Variants in MSH3 observed in about 807,000 individuals in gnomAD.
MSH3 encodes the protein mutS homolog 3, also known as DNA mismatch repair protein Msh3.
MSH3 carries 106 observed loss-of-function variants against 123.3 expected under a neutral mutation model. The observed-to-expected ratio is 0.86, with a 90% CI of 0.73 to 1.01. MSH3 has a LOEUF of 1.01. Ranked by LOEUF, MSH3 falls within the 50% of genes least tolerant of loss-of-function variation. MSH3 has a pLI of 0.00. For synonymous variants in MSH3, 515 were observed against 481.4 expected, an observed-to-expected ratio of 1.07 and a Z score of -0.91; for missense variants, 1,459 against 1,347.6, an observed-to-expected ratio of 1.08 and a Z score of -1.29.
intron 20 of MSH3, among the ~76,000 whole-genome samples, chr5:80,814,902 G>T (rs769985355): frequency 6.6e-6 from 1 of 152,200 alleles, no homozygotes; most frequent in East Asian, 1.9e-4. Context: ...AGGAGAATTC[G>T]TAGTTTAATC....
chr5:80,725,312 C>A, intron 8 of MSH3, 141 bp from the exon 9 acceptor site: 1 of 597,348 alleles, frequency 1.7e-6, no homozygotes, highest in Non-Finnish European at 3.0e-6. Flanking sequence ...TTAGCTCTTT[C>A]TTTCTCTCTC....
intron 19 of MSH3, among the ~76,000 whole-genome samples, chr5:80,808,938 T>G (rs1744955922): frequency 6.9e-6 from 1 of 144,148 alleles, no homozygotes; most frequent in South Asian, 2.2e-4. Flanking sequence ...GCCATACACA[T>G]TTTACTCATC....
chr5:80,805,398 C>G (rs1042711947), intron 19 of MSH3, among the ~76,000 whole-genome samples: 1 of 152,122 alleles, frequency 6.6e-6, no homozygotes, highest in African/African-American at 2.4e-5. Context: ...ATCTAAATTT[C>G]CCCTAATGCA....
At chr5:80,773,909 A>G (rs1744255101) in intron 15 of MSH3, among the ~76,000 whole-genome samples, 1 of 152,250 alleles carries the variant, frequency 6.6e-6, no homozygotes, top group East Asian at 1.9e-4. Context: ...CTGGGATTAC[A>G]AGTGCCTGCC....
At chr5:80,658,134 T>C (rs1005000130) in intron 2 of MSH3, among the ~76,000 whole-genome samples, 1 of 149,908 alleles carries the variant, frequency 6.7e-6, no homozygotes, top group Admixed American at 6.7e-5. Flanking sequence ...GTTCAATCTC[T>C]GCTCACTGTA....
intron 19 of MSH3, among the ~76,000 whole-genome samples, chr5:80,802,042 C>G (rs1744798390): frequency 6.6e-6 from 1 of 152,096 alleles, no homozygotes; most frequent in African/African-American, 2.4e-5. Context: ...TGTTAGTACT[C>G]TCATTGCTGT....
intron 20 of MSH3, among the ~76,000 whole-genome samples, chr5:80,826,934 G>T (rs995582152): frequency 2.0e-5 from 3 of 152,044 alleles, no homozygotes; most frequent in African/African-American, 7.2e-5. Context: ...TAGAGTTTTG[G>T]CAAACACATA....
intron 19 of MSH3, among the ~76,000 whole-genome samples, chr5:80,794,503 T>C (rs954292489): frequency 6.6e-6 from 1 of 152,082 alleles, no homozygotes; most frequent in Non-Finnish European, 1.5e-5. Context: ...GGTAAAACGG[T>C]ATGGTGATGG....
rs189724784 is a variant in MSH3 at position 80,670,038 on chromosome 5, C to T, written c.580-59C>T. 3,158 of 1,518,640 alleles carry T rather than the reference C, an allele frequency of 2.1e-3. 6 individuals are homozygous for T. The highest frequency in any genetic ancestry group is 2.7e-3 in the Non-Finnish European group (2,944 of 1,103,974). 94.1% of individuals were successfully genotyped at this position (1,518,640 alleles called of 1,614,324 possible). On this transcript the variant is annotated intron_variant, in intron 3 of 23. Transcript: ENST00000265081. ...TTTGCCAGATTTGCATTTTCCGTCT[C>T]TGGGAACTTATTATTGTGGTTAATA...
At chr5:80,694,962 T>G (rs1229218236) in intron 8 of MSH3, among the ~76,000 whole-genome samples, 1 of 151,580 alleles carries the variant, frequency 6.6e-6, no homozygotes, top group Admixed American at 6.6e-5. Flanking sequence ...TATCTTTGGC[T>G]TTATCCTTTT....
intron 19 of MSH3, among the ~76,000 whole-genome samples, chr5:80,813,378 C>A (rs1745042666): frequency 6.6e-6 from 1 of 152,168 alleles, no homozygotes; most frequent in Admixed American, 6.5e-5. Flanking sequence ...CTTTTTAATA[C>A]CCAGGAATAG....
intron 20 of MSH3, among the ~76,000 whole-genome samples, chr5:80,815,496 G>T (rs571559534): frequency 2.0e-5 from 3 of 152,240 alleles, no homozygotes; most frequent in East Asian, 3.9e-4. Flanking sequence ...TAAAAGAAGG[G>T]TTTATTTTTG....
chr5:80,844,398 G>C (rs980966891), intron 20 of MSH3, among the ~76,000 whole-genome samples: 2 of 152,130 alleles, frequency 1.3e-5, no homozygotes, highest in African/African-American at 2.4e-5. Context: ...GTGGAGTTCC[G>C]TAGATGTCTT....
intron 20 of MSH3, among the ~76,000 whole-genome samples, chr5:80,851,128 G>T (rs1248963661): frequency 1.3e-5 from 2 of 151,884 alleles, no homozygotes; most frequent in African/African-American, 2.4e-5. Flanking sequence ...TTGGATATTT[G>T]ATTTTTTCCA....
intron 21 of MSH3, among the ~76,000 whole-genome samples, chr5:80,860,107 T>G (rs1487957894): frequency 2.2e-5 from 1 of 44,814 alleles, no homozygotes; most frequent in Non-Finnish European, 4.3e-5. Context: ...TAAGTGTACA[T>G]AAGCATATAT....
intron 16 of MSH3, among the ~76,000 whole-genome samples, chr5:80,776,924 A>T (rs1744313443): frequency 7.7e-6 from 1 of 129,192 alleles, no homozygotes; most frequent in African/African-American, 3.1e-5. Flanking sequence ...ATATATATAT[A>T]TATATTTTTT....
At chr5:80,769,995 A>T (rs1008498042) in intron 15 of MSH3, among the ~76,000 whole-genome samples, 1 of 152,108 alleles carries the variant, frequency 6.6e-6, no homozygotes, top group Non-Finnish European at 1.5e-5. Flanking sequence ...AATTATTAAG[A>T]TATTATACTC....
At chr5:80,696,552 T>G (rs1395353253) in intron 8 of MSH3, among the ~76,000 whole-genome samples, 1 of 152,184 alleles carries the variant, frequency 6.6e-6, no homozygotes, top group East Asian at 1.9e-4. Flanking sequence ...CTACAAAAAG[T>G]AAACCTGGGG....
intron 6 of MSH3, among the ~76,000 whole-genome samples, chr5:80,673,127 G>A (rs926111901): frequency 6.6e-6 from 1 of 152,176 alleles, no homozygotes; most frequent in African/African-American, 2.4e-5. Flanking sequence ...ACGATGTCAG[G>A]TTAGTATCTG....
Sources: allele counts gnomAD v4.1 joint callset (sites outside exome capture counted in the v4.1 genomes callset), GRCh38; gene constraint gnomAD v4.1.1; transcripts MANE v1.5; gene names NCBI Gene and HGNC (gene_info 2026-07-23, HGNC 2026-07-21).